RYK: variants seen among roughly 807,000 people sequenced by gnomAD.
RYK encodes inactive tyrosine-protein kinase RYK.
Under a neutral mutation model 70.2 loss-of-function variants are expected in RYK, and 21 were observed. That is an observed-to-expected ratio of 0.30 (90% CI 0.21 to 0.43). The LOEUF (loss-of-function observed/expected upper bound fraction) is 0.43, where lower values mean the gene tolerates loss of function less well. RYK is among the 20% of genes least tolerant of loss of function. The pLI is 1.00. For synonymous variants in RYK, 267 were observed against 278.0 expected (o/e 0.96, Z 0.39); for missense variants, 604 against 753.3 (o/e 0.80, Z 2.32).
intron 2 of RYK, among the ~76,000 whole-genome samples, chr3:134,222,211 T>C (rs748888615): frequency 6.6e-6 from 1 of 152,266 alleles, no homozygotes; most frequent in Non-Finnish European, 1.5e-5. Flanking sequence ...ATCAATTAAA[T>C]GATAGCCACC....
chr3:134,222,365 C>G, intron 2 of RYK, 53 bp downstream of exon 2: 1 of 1,605,196 alleles, frequency 6.2e-7, no homozygotes, highest in East Asian at 2.2e-5. Flanking sequence ...ACAGCCCTTG[C>G]CTCTGTGGCT....
chr3:134,189,216 T>C (rs1248576181), intron 8 of RYK, among the ~76,000 whole-genome samples: 1 of 152,218 alleles, frequency 6.6e-6, no homozygotes, highest in Admixed American at 6.5e-5. Flanking sequence ...GCATTGGAGC[T>C]CAGTAATGAG....
chr3:134,228,055 G>A (rs537975057), intron 1 of RYK, among the ~76,000 whole-genome samples: 38 of 152,302 alleles, frequency 2.5e-4, no homozygotes, highest in South Asian at 2.1e-4. Flanking sequence ...GTGGGAGGCC[G>A]GGACCAGAGG....
intron 1 of RYK, among the ~76,000 whole-genome samples, chr3:134,245,016 C>T (rs938609809): frequency 1.3e-5 from 2 of 152,194 alleles, no homozygotes; most frequent in Non-Finnish European, 2.9e-5. Flanking sequence ...AAGCCTTGAT[C>T]CTGGACTTCC....
intron 2 of RYK, among the ~76,000 whole-genome samples, chr3:134,217,064 C>A (rs888528311): frequency 6.6e-5 from 10 of 152,134 alleles, no homozygotes; most frequent in Non-Finnish European, 1.0e-4. Context: ...AGCTTCAAGC[C>A]TCTGAAGAGA....
intron 1 of RYK, among the ~76,000 whole-genome samples, chr3:134,245,850 A>G (rs1355580726): frequency 6.6e-6 from 1 of 152,146 alleles, no homozygotes. Flanking sequence ...CTCCCAATGA[A>G]AAGTCCACCT....
intron 1 of RYK, among the ~76,000 whole-genome samples, chr3:134,224,475 G>C (rs2014835711): frequency 6.6e-6 from 1 of 152,240 alleles, no homozygotes; most frequent in South Asian, 2.1e-4. Flanking sequence ...AAGTGGACCA[G>C]GAACGTGATT....
chr3:134,191,831 C>T lies in RYK; in HGVS notation c.1015+18G>A. 2 of 1,587,480 alleles carry T rather than the reference C, an allele frequency of 1.3e-6. No individual in the cohort carries two copies. The highest frequency in any genetic ancestry group is 1.7e-6 in the Non-Finnish European group (2 of 1,169,868). On this transcript the variant is annotated intron_variant, in intron 8 of 14. Coordinates refer to ENST00000623711, the MANE Select transcript of RYK (RefSeq NM_002958.4). ...CATTAAATCATACTTAAAAAACCGA[C>T]TTTGAGATAATAAATACCTTCTTGG...
At chr3:134,186,515 G>A (rs900899323) in intron 9 of RYK, among the ~76,000 whole-genome samples, 2 of 152,134 alleles carry the variant, frequency 1.3e-5, no homozygotes, top group Non-Finnish European at 2.9e-5. Flanking sequence ...GTCATGTGGC[G>A]CTATCTCTCT....
intron 1 of RYK, among the ~76,000 whole-genome samples, chr3:134,223,516 C>T (rs1030691020): frequency 6.6e-6 from 1 of 151,750 alleles, no homozygotes; most frequent in African/African-American, 2.4e-5. Flanking sequence ...TAGCTCAATT[C>T]TGGTGCCTAC....
intron 2 of RYK, among the ~76,000 whole-genome samples, chr3:134,212,154 C>T (rs2014419505): frequency 6.7e-6 from 1 of 150,024 alleles, no homozygotes; most frequent in Non-Finnish European, 1.5e-5. Context: ...ATGTTTAGAT[C>T]CCCATTTGAC....
chr3:134,204,532 A>G (rs1193489926), intron 5 of RYK, among the ~76,000 whole-genome samples: 1 of 151,360 alleles, frequency 6.6e-6, no homozygotes, highest in Non-Finnish European at 1.5e-5. Flanking sequence ...ATATATAAAT[A>G]AGAGAGACAA....
chr3:134,206,838 C>A (rs1047988120), intron 5 of RYK, among the ~76,000 whole-genome samples: 1 of 151,788 alleles, frequency 6.6e-6, no homozygotes. Context: ...TTCATCAAAG[C>A]GTACTCTGAA....
intron 2 of RYK, among the ~76,000 whole-genome samples, chr3:134,214,194 T>C (rs1044482820): frequency 2.0e-5 from 3 of 152,196 alleles, no homozygotes; most frequent in Non-Finnish European, 4.4e-5. Context: ...CTTGGTCTCC[T>C]GCCATGTTCT....
At chr3:134,248,085 G>C (rs908285202) in intron 1 of RYK, among the ~76,000 whole-genome samples, 1 of 152,108 alleles carries the variant, frequency 6.6e-6, no homozygotes, top group African/African-American at 2.4e-5. Flanking sequence ...GAGGAGCCAA[G>C]GAATTATTTT....
At chr3:134,242,634 T>C (rs577469895) in intron 1 of RYK, among the ~76,000 whole-genome samples, 16 of 152,196 alleles carry the variant, frequency 1.1e-4, no homozygotes, top group East Asian at 1.9e-4. Flanking sequence ...TTTCAGAACA[T>C]TGGCGTAACT....
Position 134,195,147 on chromosome 3 carries a change from T to C in RYK, c.824A>G (p.Gln275Arg). 1 of 1,613,358 alleles carries C rather than the reference T, an allele frequency of 6.2e-7. No homozygotes were observed. Among genetic ancestry groups the C allele is most frequent in the African/African-American group, 1.3e-5 (1 of 75,056 alleles). ...ATACTGAGTCGTCTGGGTGGATGGCTGAGACAGCCCTTGGGAACTACTGCT... is the reference window on the plus strand; with the variant it reads ...ATACTGAGTCGTCTGGGTGGATGGCCGAGACAGCCCTTGGGAACTACTGCT... The part of the protein sequence containing the change: ...SASSSSQGLS[Q>R]PSTQTTQYLR... The change falls in exon 7 of 15, where the codon CAG becomes CGG. Residue 275 changes from glutamine (Q) to arginine (R), a missense_variant. By Grantham distance (43) the Gln-to-Arg change is conservative (BLOSUM62 1). This residue lies in a region of RYK where 466 missense variants were observed against 535.9 expected (regional missense o/e 0.87). Coordinates refer to ENST00000623711, the MANE Select transcript of RYK (RefSeq NM_002958.4).
intron 2 of RYK, among the ~76,000 whole-genome samples, chr3:134,217,811 C>A (rs2014606888): frequency 6.6e-6 from 1 of 152,108 alleles, no homozygotes; most frequent in Non-Finnish European, 1.5e-5. Flanking sequence ...TCACTGTATA[C>A]CCTTTATGCT....
At chr3:134,191,558 G>C (rs947605057) in intron 8 of RYK, among the ~76,000 whole-genome samples, 31 of 152,308 alleles carry the variant, frequency 2.0e-4, no homozygotes, top group African/African-American at 6.3e-4. Flanking sequence ...AGACCTGCCA[G>C]GTAGTGGCCA....
Sources: allele counts gnomAD v4.1 joint callset (sites outside exome capture counted in the v4.1 genomes callset), GRCh38; gene constraint gnomAD v4.1.1; regional missense constraint gnomAD v4.1.1; transcripts MANE v1.5; gene names NCBI Gene and HGNC (gene_info 2026-07-23, HGNC 2026-07-21).